Variants in AMBRA1 observed in about 807,000 individuals in gnomAD.
The protein encoded by AMBRA1 is autophagy and beclin 1 regulator 1.
Under a neutral mutation model 125.4 loss-of-function variants are expected in AMBRA1, and 47 were observed. The ratio of observed to expected loss-of-function variants is 0.37; its 90% confidence interval spans 0.30 to 0.48. AMBRA1 has a LOEUF of 0.48. Ranked by LOEUF, AMBRA1 falls within the 20% of genes least tolerant of loss-of-function variation. The pLI, the probability that AMBRA1 is intolerant of heterozygous loss-of-function variation, is 0.99. For missense variants in AMBRA1, 1,331 were observed against 1,693.4 expected (o/e 0.79, Z 3.76); for synonymous variants, 626 against 655.5 (o/e 0.95, Z 0.69).
At chr11:46,593,496 G>T (rs2044680433) in intron 1 of AMBRA1, among the ~76,000 whole-genome samples, 1 of 152,094 alleles carries the variant, frequency 6.6e-6, no homozygotes, top group African/African-American at 2.4e-5. Context: ...ACTTCGGGGT[G>T]GGGGGAAAAG....
At chr11:46,513,645 T>C (rs1439798387) in intron 7 of AMBRA1, among the ~76,000 whole-genome samples, 4 of 152,158 alleles carry the variant, frequency 2.6e-5, no homozygotes, top group South Asian at 4.1e-4. Flanking sequence ...AACTCCAAAA[T>C]GCCTCAAATC....
intron 7 of AMBRA1, among the ~76,000 whole-genome samples, chr11:46,526,529 TA>T (rs914613860): frequency 7.7e-5 from 7 of 90,992 alleles, no homozygotes; most frequent in African/African-American, 1.7e-4. Context: ...ACAAGAAATA[TA>T]AAAAAAAAAT....
Position 46,583,677 on chromosome 11 carries a change from A to C in AMBRA1, c.-121+10151T>G, listed in dbSNP as rs1299530245. On this transcript the variant is annotated intron_variant, in intron 1 of 17. Transcript: ENST00000683756. ...CAAAAAAAAAAAAAAAAAAAAAAAA[A>C]AACAACAAAACAACCCCATCAAAAA... 2.5e-3 allele frequency among the ~76,000 whole-genome samples: 358 copies of C among 143,858 alleles called. 2 individuals are homozygous for C. Among genetic ancestry groups the C allele is most frequent in the African/African-American group, 6.4e-3 (239 of 37,556 alleles). 94.4% of individuals were successfully genotyped at this position (143,858 alleles called of 152,430 possible).
chr11:46,508,060 C>T, intron 9 of AMBRA1, 131 bp downstream of exon 9: 13 of 971,754 alleles, frequency 1.3e-5, no homozygotes, highest in Non-Finnish European at 2.0e-5. Context: ...TCACCCCATC[C>T]TGCTACTCAT....
chr11:46,541,231 GAA>G (rs1280635130), intron 7 of AMBRA1, among the ~76,000 whole-genome samples: 1 of 152,182 alleles, frequency 6.6e-6, no homozygotes, highest in Non-Finnish European at 1.5e-5. Flanking sequence ...TTTCTCCCAT[GAA>G]AGAGTTGGCT....
At chr11:46,532,565 T>C (rs572386099) in intron 7 of AMBRA1, among the ~76,000 whole-genome samples, 1 of 152,272 alleles carries the variant, frequency 6.6e-6, no homozygotes, top group South Asian at 2.1e-4. Context: ...GCCTCCCAAA[T>C]AGCTGGGACT....
At chr11:46,564,901 A>G (rs1332254868) in intron 1 of AMBRA1, among the ~76,000 whole-genome samples, 1 of 152,204 alleles carries the variant, frequency 6.6e-6, no homozygotes, top group East Asian at 1.9e-4. Context: ...ATCTACAGCA[A>G]AGCACCAGAA....
chr11:46,475,588 C>A (rs1427229490), intron 11 of AMBRA1, among the ~76,000 whole-genome samples: 2 of 152,170 alleles, frequency 1.3e-5, no homozygotes, highest in Non-Finnish European at 1.5e-5. Context: ...TCAGAAGGCC[C>A]AAGGACTCAA....
chr11:46,467,750 T>C (rs1037606803), intron 11 of AMBRA1, among the ~76,000 whole-genome samples: 2 of 152,080 alleles, frequency 1.3e-5, no homozygotes, highest in African/African-American at 4.8e-5. Context: ...GCTAGGCTGG[T>C]CTCAAACTCC....
chr11:46,581,870 T>C (rs960160400), intron 1 of AMBRA1, among the ~76,000 whole-genome samples: 27 of 149,348 alleles, frequency 1.8e-4, no homozygotes, highest in Non-Finnish European at 4.4e-5. Flanking sequence ...ATTTCACCAC[T>C]ATGAGAGGCC....
In AMBRA1 at chr11:46,444,482, T is replaced by C. The variant is rs556011349; in HGVS notation, c.2522-884A>G. Among the ~76,000 whole-genome samples, 6 of 152,336 alleles carry C rather than the reference T, an allele frequency of 3.9e-5. No individual in the cohort carries two copies. The South Asian group carries it at 8.3e-4, about 21-fold the overall frequency. On this transcript the variant is annotated intron_variant, in intron 11 of 17. Coordinates refer to ENST00000683756, the MANE Select transcript of AMBRA1 (RefSeq NM_001387011.1). Reference sequence around the variant, plus strand: ...CCTCCTCCTTCTGAGGTGCATTTCATACACAACCACCCTCCTTCTGATCAG... The same window carrying C: ...CCTCCTCCTTCTGAGGTGCATTTCACACACAACCACCCTCCTTCTGATCAG...
intron 1 of AMBRA1, among the ~76,000 whole-genome samples, chr11:46,587,859 A>T (rs1281465673): frequency 6.6e-6 from 1 of 152,200 alleles, no homozygotes; most frequent in Non-Finnish European, 1.5e-5. Flanking sequence ...CTTCATAGGT[A>T]AGGGTTGAAA....
chr11:46,466,584 G>C (rs574830600), intron 11 of AMBRA1, among the ~76,000 whole-genome samples: 1 of 152,234 alleles, frequency 6.6e-6, no homozygotes, highest in African/African-American at 2.4e-5. Context: ...GGAAGCAAAG[G>C]CTTATATAAA....
At chr11:46,421,218 T>C (rs1946835909) in intron 14 of AMBRA1, among the ~76,000 whole-genome samples, 1 of 152,222 alleles carries the variant, frequency 6.6e-6, no homozygotes, top group Non-Finnish European at 1.5e-5. Flanking sequence ...GGGTTGTTGC[T>C]AGCCACTTCC....
chr11:46,541,945 C>T lies in AMBRA1; in HGVS notation c.2072G>A (p.Arg691Lys). The change falls in exon 7 of 18, where the codon AGG (arginine) becomes AAG (lysine). Residue 691 changes from arginine to lysine, a missense_variant and splice_region_variant. By Grantham distance (26) the Arg-to-Lys change is conservative. Coordinates refer to ENST00000683756, the MANE Select transcript of AMBRA1 (RefSeq NM_001387011.1). ...AGAAGATAGGAAAGCGACTGCTTAC[C>T]TCCTGAGTGAATCCTCCTCAGAGCT... is the stretch of plus-strand genomic sequence containing the variant. ...EESSEEDSLR[R>K]RLLESSLISL... 6.2e-7 allele frequency: 1 copy of T among 1,607,556 alleles called. No individual in the cohort carries two copies. Among genetic ancestry groups the T allele is most frequent in the Non-Finnish European group, 8.5e-7 (1 of 1,178,418 alleles).
chr11:46,447,478 T>C (rs1246320846), intron 11 of AMBRA1, among the ~76,000 whole-genome samples: 1 of 151,988 alleles, frequency 6.6e-6, no homozygotes, highest in African/African-American at 2.4e-5. Flanking sequence ...GAGGTTGCAA[T>C]GAGATGAGAT....
Position 46,400,473 on chromosome 11 carries a change from G to GTTTTTTTTTTTTTTT in AMBRA1, c.3404-2545_3404-2531dup, listed in dbSNP as rs553040136. Reference sequence around the variant, plus strand: ...CCTCATGCTTCTAGTTCTTTCTATAGTTTTTTTTTTTTTTTTTTTTTTTTT... The same window carrying GTTTTTTTTTTTTTTT: ...CCTCATGCTTCTAGTTCTTTCTATAGTTTTTTTTTTTTTTTTTTTTTTTTTTTTTTTTTTTTTTTT... On this transcript the variant is annotated intron_variant, in intron 17 of 17. Transcript: ENST00000683756. Among the ~76,000 whole-genome samples, 34 of 48,890 alleles carry GTTTTTTTTTTTTTTT rather than the reference G, an allele frequency of 7.0e-4. 12 individuals are homozygous for GTTTTTTTTTTTTTTT. Among genetic ancestry groups the GTTTTTTTTTTTTTTT allele is most frequent in the African/African-American group, 1.3e-3 (20 of 15,490 alleles). 32.1% of individuals were successfully genotyped at this position (48,890 alleles called of 152,430 possible).
At chr11:46,410,198 C>A in intron 16 of AMBRA1, 78 bp downstream of exon 16, 1 of 1,399,822 alleles carries the variant, frequency 7.1e-7, no homozygotes, top group Non-Finnish European at 1.0e-6. Context: ...CTAGAGGGCG[C>A]TGCTTAAGAG....
chr11:46,556,632 T>G (rs548502393), intron 1 of AMBRA1, among the ~76,000 whole-genome samples: 1 of 152,310 alleles, frequency 6.6e-6, no homozygotes, highest in South Asian at 2.1e-4. Flanking sequence ...TTGATTGAAT[T>G]CCAGCTCCAT....
Sources: gnomAD v4.1 joint callset for allele counts (sites outside exome capture counted in the v4.1 genomes callset) on GRCh38, gnomAD v4.1.1 for gene constraint, MANE v1.5 for transcripts, NCBI Gene and HGNC (gene_info 2026-07-23, HGNC 2026-07-21) for gene names.